Variants in KAZN observed in about 807,000 individuals in gnomAD.
The protein encoded by KAZN is kazrin, periplakin interacting protein.
In KAZN, 40 loss-of-function variants were observed where a neutral mutation model predicts 87.4. That is an observed-to-expected ratio of 0.46 (90% confidence interval 0.36 to 0.60). The LOEUF (loss-of-function observed/expected upper bound fraction) is 0.60. Among genes scored for constraint, KAZN ranks in the 20% least tolerant of loss-of-function variants. The pLI is 0.00. For synonymous variants in KAZN, 466 were observed against 458.3 expected, an observed-to-expected ratio of 1.02 and a Z score of -0.22; for missense variants, 898 against 1,073.9, an observed-to-expected ratio of 0.84 and a Z score of 2.29.
intron 1 of KAZN, among the ~76,000 whole-genome samples, chr1:14,945,041 T>C (rs1661573689): frequency 6.6e-6 from 1 of 152,194 alleles, no homozygotes; most frequent in African/African-American, 2.4e-5. Context: ...GCACGGAGGC[T>C]CATGGCCCAC....
chr1:13,955,972 A>G (rs1641530682), intron 1 of KAZN, among the ~76,000 whole-genome samples: 1 of 152,080 alleles, frequency 6.6e-6, no homozygotes, highest in Admixed American at 6.6e-5. Context: ...TGGACTCATC[A>G]CTGGTGTCTG....
At chr1:14,671,696 ATC>A (rs1029177231) in intron 1 of KAZN, among the ~76,000 whole-genome samples, 8 of 152,208 alleles carry the variant, frequency 5.3e-5, no homozygotes, top group African/African-American at 1.2e-4. Flanking sequence ...CAGCAAAGGA[ATC>A]TCTGTATATG....
At chr1:13,951,508 AG>A (rs1474999955) in intron 1 of KAZN, among the ~76,000 whole-genome samples, 1 of 152,042 alleles carries the variant, frequency 6.6e-6, no homozygotes, top group Non-Finnish European at 1.5e-5. Context: ...TATTCTCAAA[AG>A]GGTTCTGGTT....
chr1:14,195,105 C>T (rs1428474550), intron 2 of KAZN, among the ~76,000 whole-genome samples: 2 of 152,156 alleles, frequency 1.3e-5, no homozygotes, highest in Non-Finnish European at 2.9e-5. Context: ...TCTATAGATA[C>T]AACAGCTTAT....
At chr1:14,817,837 A>C (rs1305225760) in intron 1 of KAZN, among the ~76,000 whole-genome samples, 1 of 152,144 alleles carries the variant, frequency 6.6e-6, no homozygotes, top group Non-Finnish European at 1.5e-5. Flanking sequence ...TTAGCCTTTC[A>C]TTTGAGGTAT....
intron 2 of KAZN, among the ~76,000 whole-genome samples, chr1:14,999,040 T>C (rs1668188650): frequency 6.6e-6 from 1 of 152,228 alleles, no homozygotes; most frequent in Non-Finnish European, 1.5e-5. Flanking sequence ...TTAAACATTA[T>C]CCAGGTGTGG....
chr1:14,127,737 C>T lies in KAZN; in HGVS notation c.92-52698C>T, dbSNP rs375475451. The stretch of plus-strand genomic sequence containing the variant: ...GTTCCTTGTGTCTGTATCCAGTCTG[C>T]GAATTTGGTCACCAGAGGTATATGA... On this transcript the variant is annotated intron_variant, in intron 1 of 16. Coordinates refer to the KAZN transcript ENST00000636203. Among the ~76,000 whole-genome samples, 27 of 152,262 alleles carry T rather than the reference C, an allele frequency of 1.8e-4. No homozygotes were observed. In the East Asian group the frequency reaches 2.1e-3, roughly 12 times the overall value.
Position 14,128,045 on chromosome 1 carries a change from G to T in KAZN, c.92-52390G>T, listed in dbSNP as rs1644912212. The stretch of plus-strand genomic sequence containing the variant: ...TCAAATCTGAAGGTCCCAGGAGGCT[G>T]AGTGGGATTGGAGTAGAAAAGTCCA... On this transcript the variant is annotated intron_variant, in intron 1 of 16. Transcript: ENST00000636203. 1.3e-5 allele frequency among the ~76,000 whole-genome samples: 2 copies of T among 152,208 alleles called. 1 individual carries two copies. The highest frequency in any genetic ancestry group is 4.1e-4 in the South Asian group (2 of 4,828).
intron 1 of KAZN, among the ~76,000 whole-genome samples, chr1:13,974,353 T>C (rs1020463812): frequency 6.6e-6 from 1 of 152,216 alleles, no homozygotes; most frequent in Non-Finnish European, 1.5e-5. Flanking sequence ...AGTTGGCAGA[T>C]ACCAGCTGTA....
chr1:14,999,493 T>C (rs1165748193), intron 2 of KAZN, among the ~76,000 whole-genome samples: 1 of 128,166 alleles, frequency 7.8e-6, no homozygotes, highest in Non-Finnish European at 1.6e-5. Flanking sequence ...AGGCATTGCC[T>C]GCCCCCCTCC....
intron 2 of KAZN, among the ~76,000 whole-genome samples, chr1:14,239,304 G>A (rs1648710201): frequency 6.6e-6 from 1 of 152,016 alleles, no homozygotes; most frequent in African/African-American, 2.4e-5. Context: ...TTTTTAAGAG[G>A]CTGGTTTACG....
chr1:14,075,599 G>A (rs1365894709), intron 1 of KAZN, among the ~76,000 whole-genome samples: 1 of 152,118 alleles, frequency 6.6e-6, no homozygotes, highest in Non-Finnish European at 1.5e-5. Flanking sequence ...TTAAAAAAAA[G>A]TCATCCAAAT....
intron 2 of KAZN, among the ~76,000 whole-genome samples, chr1:14,359,239 AG>A (rs1659297883): frequency 6.7e-6 from 1 of 148,258 alleles, no homozygotes; most frequent in Non-Finnish European, 1.5e-5. Context: ...TAGGATTACA[AG>A]CCCTGCTTTT....
chr1:15,012,830 G>A (rs1557715529), intron 2 of KAZN, among the ~76,000 whole-genome samples: 1 of 152,176 alleles, frequency 6.6e-6, no homozygotes, highest in African/African-American at 2.4e-5. Flanking sequence ...GCAGAGGTAT[G>A]AGAATCACTT....
rs571868846 is a variant in KAZN, at chr1:15,103,350, C to G, written c.1780-9C>G. ...TGTCCCTCCGAATGACCCACTGTCT[C>G]CCCACAAGGCCCTCCAGGAGCGCCG... On this transcript the variant is annotated splice_polypyrimidine_tract_variant and intron_variant, in intron 11 of 14. Transcript: ENST00000376030. 3 of 1,549,322 alleles carry G rather than the reference C, an allele frequency of 1.9e-6. No homozygotes were observed. The highest frequency in any genetic ancestry group is 4.9e-5 in the East Asian group (2 of 40,866).
chr1:14,066,997 A>C (rs960781594), intron 1 of KAZN, among the ~76,000 whole-genome samples: 5 of 152,068 alleles, frequency 3.3e-5, no homozygotes, highest in African/African-American at 7.2e-5. Context: ...TGACTACCCT[A>C]TCTCAAGTAG....
At chr1:14,713,775 C>CAAAAAAAAAAAAAA (rs58947119) in intron 1 of KAZN, among the ~76,000 whole-genome samples, 3 of 94,630 alleles carry the variant, frequency 3.2e-5, no homozygotes, top group African/African-American at 1.4e-4. Context: ...CTCATCTCTA[C>CAAAAAAAAAAAAAA]AAAAAAAAAA....
At chr1:14,651,695 T>G (rs758856935) in intron 1 of KAZN, among the ~76,000 whole-genome samples, 3 of 152,228 alleles carry the variant, frequency 2.0e-5, no homozygotes, top group Non-Finnish European at 4.4e-5. Flanking sequence ...TGGGGCTTTT[T>G]TCCCCCCACG....
intron 1 of KAZN, among the ~76,000 whole-genome samples, chr1:14,883,318 A>AAG (rs1219653139): frequency 0.021 from 807 of 38,460 alleles, 95 homozygotes; most frequent in Middle Eastern, 0.056. Context: ...GAAAGAAAGA[A>AAG]AGAGAGAGAG....
Sources: gnomAD v4.1 joint callset for allele counts (sites outside exome capture counted in the v4.1 genomes callset) on GRCh38, gnomAD v4.1.1 for gene constraint, MANE v1.5 for transcripts, NCBI Gene and HGNC (gene_info 2026-07-23, HGNC 2026-07-21) for gene names.